FGF13: variants seen among roughly 807,000 people sequenced by gnomAD.
FGF13 encodes the protein fibroblast growth factor homologous factor 2.
FGF13 carries 2 observed loss-of-function variants against 19.5 expected under a neutral mutation model. The observed-to-expected ratio is 0.10, with a 90% CI of 0.04 to 0.32. The LOEUF is 0.32. Among genes scored for constraint, FGF13 ranks in the 10% least tolerant of loss-of-function variants. The pLI is 1.00. For missense variants in FGF13, 113 were observed against 192.7 expected, an observed-to-expected ratio of 0.59 and a Z score of 2.45; for synonymous variants, 72 against 76.9, an observed-to-expected ratio of 0.94 and a Z score of 0.33.
intron 1 of FGF13, among the ~76,000 whole-genome samples, chrX:138,965,844 T>G (rs1226319481): frequency 8.9e-6 from 1 of 111,931 alleles, no homozygotes; most frequent in Admixed American, 9.4e-5. Flanking sequence ...CTATAGCCCA[T>G]GAAAGGGAGT....
At chrX:138,867,519 G>A (rs146009517) in intron 1 of FGF13, among the ~76,000 whole-genome samples, 4 of 110,851 alleles carry the variant, frequency 3.6e-5, no homozygotes, top group African/African-American at 1.3e-4. Flanking sequence ...CTCACATCAC[G>A]GTGGAAGGCA....
At chrX:138,729,396 T>G (rs927084723) in intron 1 of FGF13, among the ~76,000 whole-genome samples, 4 of 111,197 alleles carry the variant, frequency 3.6e-5, no homozygotes, top group Non-Finnish European at 7.6e-5. Context: ...TTTTAAGAGC[T>G]AATCAGTTGA....
chrX:138,693,317 G>A (rs1418016586), intron 3 of FGF13, among the ~76,000 whole-genome samples: 1 of 111,553 alleles, frequency 9.0e-6, no homozygotes, highest in Non-Finnish European at 1.9e-5. Flanking sequence ...ATTTTTCACT[G>A]CAATAATTTT....
At chrX:138,749,766 G>A (rs2090384279) in intron 3 of FGF13, among the ~76,000 whole-genome samples, 1 of 111,664 alleles carries the variant, frequency 9.0e-6, no homozygotes, top group South Asian at 3.8e-4. Flanking sequence ...TCCAGAGATA[G>A]GATGAGGGAT....
chrX:138,936,914 C>T (rs1210092225), intron 1 of FGF13, among the ~76,000 whole-genome samples: 1 of 111,631 alleles, frequency 9.0e-6, no homozygotes, highest in Non-Finnish European at 1.9e-5. Context: ...GATTAAAGGT[C>T]TGGGCATATG....
At chrX:139,164,107 T>C (rs1204653334) in intron 1 of FGF13, among the ~76,000 whole-genome samples, 1 of 97,464 alleles carries the variant, frequency 1.0e-5, no homozygotes, top group African/African-American at 3.8e-5. Flanking sequence ...TTTTTTTTTT[T>C]TATTATTATT....
chrX:139,112,509 T>A (rs1450890384), intron 1 of FGF13, among the ~76,000 whole-genome samples: 1 of 111,809 alleles, frequency 8.9e-6, no homozygotes, highest in Admixed American at 9.5e-5. Context: ...GATATTATTG[T>A]CTCCCAGAAA....
intron 1 of FGF13, among the ~76,000 whole-genome samples, chrX:139,088,145 G>T (rs890312923): frequency 8.9e-6 from 1 of 112,090 alleles, no homozygotes; most frequent in Admixed American, 9.5e-5. Context: ...ATGCTGGGCA[G>T]CTATGACATT....
intron 1 of FGF13, among the ~76,000 whole-genome samples, chrX:138,999,913 T>C (rs906134549): frequency 4.5e-5 from 5 of 111,943 alleles, no homozygotes; most frequent in Admixed American, 3.8e-4. Flanking sequence ...ATATCCACGA[T>C]GAACATCGAT....
intron 1 of FGF13, among the ~76,000 whole-genome samples, chrX:139,076,901 T>A (rs2083336309): frequency 8.9e-6 from 1 of 111,996 alleles, no homozygotes; most frequent in Admixed American, 9.4e-5. Context: ...TAAGAGGAGG[T>A]ATTTCAGTCT....
chrX:138,847,562 C>T (rs1222281061), intron 3 of FGF13, among the ~76,000 whole-genome samples: 2 of 111,751 alleles, frequency 1.8e-5, no homozygotes, highest in Non-Finnish European at 3.8e-5. Context: ...TGAGGCAAGA[C>T]AAGGGCAAGT....
intron 1 of FGF13, among the ~76,000 whole-genome samples, chrX:138,893,312 G>T (rs1348935731): frequency 9.0e-6 from 1 of 111,459 alleles, no homozygotes; most frequent in Non-Finnish European, 1.9e-5. Context: ...ATTGATACAC[G>T]AGGCTTGTCC....
Position 139,174,746 on chromosome X carries a change from T to A in FGF13, c.-113+28670A>T, listed in dbSNP as rs1603230774. 2.7e-5 allele frequency among the ~76,000 whole-genome samples: 3 copies of A among 112,040 alleles called. No homozygotes were observed. In the Admixed American group the frequency reaches 2.8e-4, roughly 11 times the overall value. ...TTTCTGAGGCCTCTGTTCTGTTCCATTGGTCTATAACTCTGTTTTGGTACC... is the reference window on the plus strand; with the variant it reads ...TTTCTGAGGCCTCTGTTCTGTTCCAATGGTCTATAACTCTGTTTTGGTACC... On this transcript the variant is annotated intron_variant, in intron 1 of 2. Transcript: ENST00000421460.
intron 1 of FGF13, among the ~76,000 whole-genome samples, chrX:138,924,840 T>A (rs2091664377): frequency 3.2e-5 from 3 of 93,584 alleles, no homozygotes; most frequent in Non-Finnish European, 4.2e-5. Context: ...GGGGGAAAGT[T>A]AAAAAAAAAA....
intron 3 of FGF13, among the ~76,000 whole-genome samples, chrX:138,674,070 G>A (rs1226275884): frequency 9.1e-6 from 1 of 110,355 alleles, no homozygotes; most frequent in Non-Finnish European, 1.9e-5. Flanking sequence ...AATTTAACTA[G>A]GGGAATTCTA....
At chrX:138,752,311 C>G (rs2090403939) in intron 3 of FGF13, among the ~76,000 whole-genome samples, 1 of 110,808 alleles carries the variant, frequency 9.0e-6, no homozygotes, top group Non-Finnish European at 1.9e-5. Flanking sequence ...CCTGTAATCT[C>G]AGCTACTTGA....
In FGF13 at chrX:138,631,333, G is replaced by A. The variant is rs956373479; in HGVS notation, c.*1517C>T. ...TGGCAGAGAAAATACTAGCACAAACGCCTCATTTGTATAATTTGACTACTG... is the reference window on the plus strand; with the variant it reads ...TGGCAGAGAAAATACTAGCACAAACACCTCATTTGTATAATTTGACTACTG... On this transcript the variant is annotated 3_prime_UTR_variant, in exon 5 of 5. Transcript: ENST00000315930. 8.9e-6 allele frequency: 1 copy of A among 111,943 alleles called. No homozygotes were observed. The highest frequency in any genetic ancestry group is 3.2e-5 in the African/African-American group (1 of 30,810). 9.2% of individuals were successfully genotyped at this position (111,943 alleles called of 1,213,427 possible).
At chrX:139,087,032 C>T (rs2083408398) in intron 1 of FGF13, among the ~76,000 whole-genome samples, 1 of 112,908 alleles carries the variant, frequency 8.9e-6, no homozygotes, top group Admixed American at 9.3e-5. Context: ...CGCAGTGGCT[C>T]ACGCCTGTAA....
chrX:138,792,541 A>G (rs773410744), intron 3 of FGF13, among the ~76,000 whole-genome samples: 3 of 111,923 alleles, frequency 2.7e-5, no homozygotes, highest in Non-Finnish European at 5.6e-5. Flanking sequence ...CATATCACCA[A>G]GAATTATTGG....
Sources: gnomAD v4.1 joint callset for allele counts (sites outside exome capture counted in the v4.1 genomes callset) on GRCh38, gnomAD v4.1.1 for gene constraint, MANE v1.5 for transcripts, NCBI Gene and HGNC (gene_info 2026-07-23, HGNC 2026-07-21) for gene names.